The following PLK5 variants were observed in gnomAD, a reference collection of about 807,000 sequenced individuals.
PLK5 encodes polo like kinase 5 (inactive), also known as inactive serine/threonine-protein kinase PLK5.
Under a neutral mutation model 33.7 loss-of-function variants are expected in PLK5, and 28 were observed. The observed-to-expected ratio is 0.83, with a 90% CI of 0.62 to 1.14. The LOEUF (loss-of-function observed/expected upper bound fraction) is 1.14, where lower values mean the gene tolerates loss of function less well. Among genes scored for constraint, PLK5 ranks in the 50% most tolerant of loss-of-function variants. The pLI is 0.00. For missense variants in PLK5, 492 were observed against 461.5 expected (o/e 1.07, Z -0.61); for synonymous variants, 225 against 202.2 (o/e 1.11, Z -0.96).
chr19:1,534,479 C>T (rs1914029061), intron 13 of PLK5, among the ~76,000 whole-genome samples: 1 of 145,192 alleles, frequency 6.9e-6, no homozygotes, highest in Non-Finnish European at 1.5e-5. Flanking sequence ...AGCACTCCAG[C>T]CTGGGCGACA....
At chr19:1,534,263 C>A (rs1914022062) in intron 13 of PLK5, among the ~76,000 whole-genome samples, 1 of 151,988 alleles carries the variant, frequency 6.6e-6, no homozygotes. Flanking sequence ...AATCCCAGTG[C>A]TTTGGGAGGC....
chr19:1,531,016 C>T (rs1353918475), intron 11 of PLK5, among the ~76,000 whole-genome samples: 3 of 151,900 alleles, frequency 2.0e-5, no homozygotes, highest in Admixed American at 6.6e-5. Flanking sequence ...CACTTGAGCT[C>T]GGAGGTGGAG....
chr19:1,526,554 C>T lies in PLK5; in HGVS notation c.-244C>T. ...CAGAAGTGCGCGACTACCTGCGGGGCCTGGTCAGCGGCCTGCGCTACCTGC... is the reference window on the plus strand; with the variant it reads ...CAGAAGTGCGCGACTACCTGCGGGGTCTGGTCAGCGGCCTGCGCTACCTGC... On this transcript the variant is annotated 5_prime_UTR_variant, in exon 4 of 14. Coordinates refer to ENST00000454744, the MANE Select transcript of PLK5 (RefSeq NM_001243079.2). The T allele has an allele frequency of 3.5e-6, 1 of 282,856 alleles. No homozygotes were observed. Among genetic ancestry groups the T allele is most frequent in the Non-Finnish European group, 7.0e-6 (1 of 142,526 alleles). The allele number at this position is 282,856 out of a possible 1,614,324, so 17.5% of individuals were successfully genotyped here.
chr19:1,528,843 AC>A, intron 8 of PLK5, 54 bp from the exon 9 acceptor site: 1 of 1,324,486 alleles, frequency 7.6e-7, no homozygotes, highest in Non-Finnish European at 1.0e-6. Flanking sequence ...GTGCCCCCCT[AC>A]CCCCAGCTTG....
At position 1,528,096 on chromosome 19, in the gene PLK5, A is replaced by G; in HGVS notation, c.163A>G (p.Ser55Gly). Residue 55 changes from serine to glycine, a missense_variant, in exon 7 of 14, where the codon AGC (serine) becomes GGC (glycine). Physicochemically the swap from Ser to Gly is moderately conservative, Grantham distance 56. Transcript: ENST00000454744. ...AGCACCCAACCCGGCCGAGCGGCCC[A>G]GCCTGGACCACCTGCTGCAGGACGA... ...LLAPNPAERP[S>G]LDHLLQDDFF... The G allele has an allele frequency of 4.6e-6, 7 of 1,535,878 alleles. No individual in the cohort carries two copies. Among genetic ancestry groups the G allele is most frequent in the Non-Finnish European group, 6.1e-6 (7 of 1,146,754 alleles).
intron 13 of PLK5, 114 bp downstream of exon 13, chr19:1,534,155 G>GAAAA (rs34242824): frequency 1.1e-4 from 56 of 527,334 alleles, no homozygotes; most frequent in South Asian, 2.3e-4. Context: ...TGCCTCCCAG[G>GAAAA]AAAAAAAAAA....
intron 6 of PLK5, 54 bp downstream of exon 6, chr19:1,527,052 C>CGGGGGGGGGGAGGTGGGGG: frequency 1.2e-6 from 1 of 842,668 alleles, no homozygotes; most frequent in Non-Finnish European, 1.8e-6. Flanking sequence ...GCAGGTGTGG[C>CGGGGGGGGGGAGGTGGGGG]GGGGGGGGAG....
At chr19:1,531,267 G>A (rs1784871633) in intron 11 of PLK5, among the ~76,000 whole-genome samples, 2 of 151,764 alleles carry the variant, frequency 1.3e-5, no homozygotes, top group Admixed American at 1.3e-4. Context: ...AAATTAGCTG[G>A]GTGTGGTGGC....
At chr19:1,528,581 C>T in intron 8 of PLK5, among the ~76,000 whole-genome samples, 153 bp downstream of exon 8, 1 of 47,844 alleles carries the variant, frequency 2.1e-5, no homozygotes, top group Admixed American at 2.1e-4. Flanking sequence ...ACGCCTCCCA[C>T]CTGCCCACGC....
intron 13 of PLK5, 111 bp from the exon 14 acceptor site, chr19:1,534,954 G>A (rs1157363653): frequency 1.9e-6 from 2 of 1,046,526 alleles, no homozygotes; most frequent in Admixed American, 6.4e-5. Flanking sequence ...GGCACTAGGG[G>A]CCAGACTGGG....
Position 1,534,820 on chromosome 19 carries a change from A to T in PLK5, c.826-245A>T, listed in dbSNP as rs1194639134. On this transcript the variant is annotated intron_variant, in intron 13 of 13. Transcript: ENST00000454744. Reference sequence around the variant, plus strand: ...TGACAGAGCAGGACTCTGTTTAAAAAAAAAAAAAAGTCAGGGTCTTGCTGG... The same window carrying T: ...TGACAGAGCAGGACTCTGTTTAAAATAAAAAAAAAGTCAGGGTCTTGCTGG... 2.7e-5 allele frequency among the ~76,000 whole-genome samples: 4 copies of T among 150,222 alleles called. No homozygotes were observed. The South Asian group carries it at 6.5e-4, about 24-fold the overall frequency.
At chr19:1,533,369 G>A (rs911979638) in intron 12 of PLK5, among the ~76,000 whole-genome samples, 8 of 152,304 alleles carry the variant, frequency 5.3e-5, no homozygotes, top group Middle Eastern at 6.8e-3. Flanking sequence ...GGGATTATAG[G>A]TGTGAGCCAC....
rs1256146078 is a variant in PLK5 at position 1,527,827 on chromosome 19, G to A, written c.3-109G>A. 4 of 1,125,416 alleles carry A rather than the reference G, an allele frequency of 3.6e-6. No homozygotes were observed. The African/African-American group carries it at 6.2e-5, about 18-fold the overall frequency. 69.7% of individuals were successfully genotyped at this position (1,125,416 alleles called of 1,614,324 possible). ...CAGGCGGATGTTGGGAGATGAGGAAGCCGATATGGGTTGCACAGCTAAGCT... is the reference window on the plus strand; with the variant it reads ...CAGGCGGATGTTGGGAGATGAGGAAACCGATATGGGTTGCACAGCTAAGCT... On this transcript the variant is annotated intron_variant, in intron 6 of 13. Coordinates refer to ENST00000454744, the MANE Select transcript of PLK5 (RefSeq NM_001243079.2).
At chr19:1,526,235 C>T (rs886376192) in intron 3 of PLK5, among the ~76,000 whole-genome samples, 2 of 152,168 alleles carry the variant, frequency 1.3e-5, no homozygotes, top group East Asian at 3.9e-4. Flanking sequence ...CCACCAGCGC[C>T]GTGTTCACCC....
rs1568251581 is a variant in PLK5, at chr19:1,524,995, GTGTC to G, written c.-543-307_-543-304del. ...TTGTGTGTCCATGCATGGTGACTCT[GTGTC>G]TGGGCGTTGCGTGTTTGTGTGTCGT... On this transcript the variant is annotated intron_variant, in intron 1 of 13. Coordinates refer to ENST00000454744, the MANE Select transcript of PLK5 (RefSeq NM_001243079.2). The surrounding 1 kb of genome is among the most constrained non-coding windows in gnomAD (Gnocchi z 4.5). 1 of 137,072 alleles carries G rather than the reference GTGTC, an allele frequency of 7.3e-6. No individual in the cohort carries two copies. The highest frequency in any genetic ancestry group is 1.5e-5 in the Non-Finnish European group (1 of 64,624). 8.5% of individuals were successfully genotyped at this position (137,072 alleles called of 1,614,324 possible).
rs566346042 is a variant in PLK5 at position 1,528,993 on chromosome 19, G to C, written c.405+19G>C. The C allele has an allele frequency of 2.7e-6, 4 of 1,485,522 alleles. No homozygotes were observed. Among genetic ancestry groups the C allele is most frequent in the Non-Finnish European group, 3.6e-6 (4 of 1,122,882 alleles). The allele number at this position is 1,485,522 out of a possible 1,614,324, so 92.0% of individuals were successfully genotyped here. A position where few individuals can be genotyped will look rare whatever the true frequency, so the allele number is the denominator to read the frequency against. Reference sequence around the variant, plus strand: ...CGGCGAGGTGAGACATCGGGGTGGGGGACACGGGGAGACACAGGTGGAGGG... The same window carrying C: ...CGGCGAGGTGAGACATCGGGGTGGGCGACACGGGGAGACACAGGTGGAGGG... On this transcript the variant is annotated intron_variant, in intron 9 of 13. Coordinates refer to ENST00000454744, the MANE Select transcript of PLK5 (RefSeq NM_001243079.2).
chr19:1,535,080 G>T lies in PLK5; in HGVS notation c.841G>T (p.Val281Phe). The change falls in exon 14 of 14, where the codon GTC becomes TTC. Residue 281 changes from valine (V) to phenylalanine (F), a missense_variant. By Grantham distance (50) the Val-to-Phe change is conservative. Transcript: ENST00000454744. ...NGMVQVSFSG[V>F]PAQLVLSGEG... ...CCCTTTGCAGGTGAGCTTCAGTGGA[G>T]TCCCGGCCCAACTGGTGCTGAGTGG... 1 of 1,532,066 alleles carries T rather than the reference G, an allele frequency of 6.5e-7. No homozygotes were observed. The highest frequency in any genetic ancestry group is 8.7e-7 in the Non-Finnish European group (1 of 1,145,190). The allele number at this position is 1,532,066 out of a possible 1,614,324, so 94.9% of individuals were successfully genotyped here. A position where few individuals can be genotyped will look rare whatever the true frequency, so the allele number is the denominator to read the frequency against.
At chr19:1,526,860 G>C in intron 5 of PLK5, 43 bp from the exon 6 acceptor site, 1 of 1,109,844 alleles carries the variant, frequency 9.0e-7, no homozygotes, top group Non-Finnish European at 1.3e-6. Context: ...AGTCTGGCAC[G>C]GGGATCCCAG....
chr19:1,533,593 A>G (rs1034079693), intron 12 of PLK5: 1 of 504,706 alleles, frequency 2.0e-6, no homozygotes, highest in Non-Finnish European at 3.5e-6. Flanking sequence ...CGCACTGGGC[A>G]TATGGATAAG....
Sources: gnomAD v4.1 joint callset for allele counts (sites outside exome capture counted in the v4.1 genomes callset) on GRCh38, gnomAD v4.1.1 for gene constraint, Gnocchi (gnomAD v3.1) non-coding constraint, MANE v1.5 for transcripts, NCBI Gene and HGNC (gene_info 2026-07-23, HGNC 2026-07-21) for gene names.